PDE3A: variants seen among roughly 807,000 people sequenced by gnomAD.
PDE3A encodes cGMP-inhibited 3',5'-cyclic phosphodiesterase 3A.
PDE3A carries 43 observed loss-of-function variants against 98.3 expected under a neutral mutation model. The observed-to-expected ratio is 0.44, with a 90% CI of 0.34 to 0.56. PDE3A has a LOEUF of 0.56. Among genes scored for constraint, PDE3A ranks in the 20% least tolerant of loss-of-function variants. PDE3A has a pLI of 0.01. For synonymous variants in PDE3A, 663 were observed against 567.9 expected (o/e 1.17, Z -2.38); for missense variants, 1,427 against 1,440.7 (o/e 0.99, Z 0.15).
Position 20,680,150 on chromosome 12 carries a change from A to C in PDE3A, c.3305A>C (p.Gln1102Pro), listed in dbSNP as rs1199718760. 1.2e-6 allele frequency: 2 copies of C among 1,613,850 alleles called. No individual in the cohort carries two copies. The highest frequency in any genetic ancestry group is 2.7e-5 in the African/African-American group (2 of 74,916). Residue 1102 changes from glutamine to proline, a missense_variant, in exon 16 of 16, where the codon CAA (glutamine) becomes CCA (proline). By Grantham distance (76) the Gln-to-Pro change is moderately conservative. This residue lies in a region of PDE3A where 142 missense variants were observed against 133.9 expected (regional missense o/e 1.06). Transcript: ENST00000359062. ...EEQRLAGIEN[Q>P]SLDQTPQSHS... ...CAACGGTTGGCAGGCATAGAAAATCAATCCCTGGACCAGACCCCTCAGTCG... is the reference window on the plus strand; with the variant it reads ...CAACGGTTGGCAGGCATAGAAAATCCATCCCTGGACCAGACCCCTCAGTCG...
intron 12 of PDE3A, among the ~76,000 whole-genome samples, chr12:20,647,524 A>T (rs1324658400): frequency 6.6e-6 from 1 of 152,106 alleles, no homozygotes; most frequent in Non-Finnish European, 1.5e-5. Flanking sequence ...ATCACTAAGT[A>T]TGTAGACATA....
chr12:20,670,638 C>A (rs1426403968), intron 15 of PDE3A, among the ~76,000 whole-genome samples: 1 of 150,446 alleles, frequency 6.6e-6, no homozygotes, highest in African/African-American at 2.5e-5. Context: ...TAAAGATGTT[C>A]TTTGAAACCA....
intron 1 of PDE3A, among the ~76,000 whole-genome samples, chr12:20,417,053 G>A (rs1354345182): frequency 6.6e-6 from 1 of 152,126 alleles, no homozygotes; most frequent in Non-Finnish European, 1.5e-5. Context: ...TGTACATAAT[G>A]TGCATAAATG....
At chr12:20,399,565 T>A (rs1441425970) in intron 1 of PDE3A, among the ~76,000 whole-genome samples, 1 of 152,220 alleles carries the variant, frequency 6.6e-6, no homozygotes, top group Non-Finnish European at 1.5e-5. Context: ...TGTCTTTACA[T>A]ACAGGATTCA....
intron 3 of PDE3A, among the ~76,000 whole-genome samples, 193 bp from the exon 4 acceptor site, chr12:20,616,037 A>G (rs1943996833): frequency 6.6e-6 from 1 of 151,942 alleles, no homozygotes. Flanking sequence ...TATTTTTATA[A>G]TATGCATTCA....
At chr12:20,435,870 A>G (rs1565548373) in intron 1 of PDE3A, among the ~76,000 whole-genome samples, 1 of 152,058 alleles carries the variant, frequency 6.6e-6, no homozygotes, top group Non-Finnish European at 1.5e-5. Flanking sequence ...AAATAAGGGA[A>G]ACTGGACTTT....
intron 1 of PDE3A, among the ~76,000 whole-genome samples, chr12:20,401,425 T>G (rs1377495806): frequency 6.6e-6 from 1 of 151,908 alleles, no homozygotes; most frequent in Non-Finnish European, 1.5e-5. Context: ...CTCTCTAATC[T>G]ACCCTTCTTA....
chr12:20,671,862 G>A (rs1262275174), intron 15 of PDE3A, among the ~76,000 whole-genome samples: 23 of 147,736 alleles, frequency 1.6e-4, no homozygotes, highest in African/African-American at 5.8e-4. Flanking sequence ...CAATTAGGCA[G>A]GAGAAGGAAA....
chr12:20,574,937 G>A (rs555227427), intron 2 of PDE3A, among the ~76,000 whole-genome samples: 4 of 151,860 alleles, frequency 2.6e-5, no homozygotes, highest in Non-Finnish European at 4.4e-5. Flanking sequence ...CAGATTTTTT[G>A]TTCATACTTT....
intron 2 of PDE3A, among the ~76,000 whole-genome samples, chr12:20,603,080 CAG>C (rs1422756229): frequency 6.6e-6 from 1 of 152,124 alleles, no homozygotes; most frequent in Non-Finnish European, 1.5e-5. Context: ...CGTAGTGCTA[CAG>C]AGATGTAGGA....
Position 20,392,026 on chromosome 12 carries a change from G to A in PDE3A, c.960+21782G>A, listed in dbSNP as rs549293995. Reference sequence around the variant, plus strand: ...TCGTATGCCTACTTACGAACCACTAGTCTAGTTAATGAGACCCTTAACACA... The same window carrying A: ...TCGTATGCCTACTTACGAACCACTAATCTAGTTAATGAGACCCTTAACACA... On this transcript the variant is annotated intron_variant, in intron 1 of 15. Transcript: ENST00000359062. Among the ~76,000 whole-genome samples, 13 of 152,036 alleles carry A rather than the reference G, an allele frequency of 8.6e-5. No homozygotes were observed. The East Asian group carries it at 2.5e-3, about 30-fold the overall frequency.
In PDE3A at chr12:20,633,570, A is replaced by C. The variant is rs911878392; in HGVS notation, c.1761-123A>C. On this transcript the variant is annotated intron_variant, in intron 6 of 15. Coordinates refer to ENST00000359062, the MANE Select transcript of PDE3A (RefSeq NM_000921.5). Reference sequence around the variant, plus strand: ...AACAAAATGCATATTTTCACAAAACAAATAAGCAGAAGGTAGAAATATTTG... The same window carrying C: ...AACAAAATGCATATTTTCACAAAACCAATAAGCAGAAGGTAGAAATATTTG... 9.6e-6 allele frequency: 5 copies of C among 519,438 alleles called. No individual in the cohort carries two copies. In the South Asian group the frequency reaches 1.7e-4, roughly 18 times the overall value. 32.2% of individuals were successfully genotyped at this position (519,438 alleles called of 1,614,324 possible). A position where few individuals can be genotyped will look rare whatever the true frequency, so the allele number is the denominator to read the frequency against.
chr12:20,554,732 G>A (rs759264807), intron 1 of PDE3A, among the ~76,000 whole-genome samples: 71 of 151,892 alleles, frequency 4.7e-4, no homozygotes, highest in South Asian at 1.3e-3. Context: ...GATTATAGGC[G>A]TGCCCCACCA....
chr12:20,600,049 C>T (rs1215517966), intron 2 of PDE3A, among the ~76,000 whole-genome samples: 1 of 152,110 alleles, frequency 6.6e-6, no homozygotes, highest in Non-Finnish European at 1.5e-5. Flanking sequence ...CTTACTTGTC[C>T]CTTCTTATTT....
chr12:20,597,277 G>A (rs1943487020), intron 2 of PDE3A, among the ~76,000 whole-genome samples: 1 of 152,144 alleles, frequency 6.6e-6, no homozygotes, highest in Admixed American at 6.5e-5. Context: ...TATTCTGAGA[G>A]GGAAGGGAGT....
chr12:20,559,013 C>T (rs1942443220), intron 2 of PDE3A, among the ~76,000 whole-genome samples: 1 of 152,094 alleles, frequency 6.6e-6, no homozygotes, highest in Non-Finnish European at 1.5e-5. Flanking sequence ...GTTGGAAATA[C>T]AGCAATATTT....
Position 20,635,034 on chromosome 12 carries a change from C to T in PDE3A, c.1979C>T (p.Ala660Val). The T allele has an allele frequency of 6.2e-7, 1 of 1,612,862 alleles. No individual in the cohort carries two copies. The highest frequency in any genetic ancestry group is 8.5e-7 in the Non-Finnish European group (1 of 1,179,550). ...LRKASACSTY[A>V]PETMMFLDKP... is the part of the protein sequence containing the mutation. ...AAAGCATCGGCTTGCAGCACCTATG[C>T]TCCTGAGACCATGATGTTTCTGGTA... The change falls in exon 8 of 16, where the codon GCT (alanine) becomes GTT (valine). Residue 660 changes from alanine to valine, a missense_variant. By Grantham distance (64) the Ala-to-Val change is moderately conservative (BLOSUM62 0). Coordinates refer to ENST00000359062, the MANE Select transcript of PDE3A (RefSeq NM_000921.5).
rs1565569009 is a variant in PDE3A at position 20,499,751 on chromosome 12, T to A, written c.961-56909T>A. 2.6e-5 allele frequency among the ~76,000 whole-genome samples: 4 copies of A among 152,196 alleles called. No homozygotes were observed. In the South Asian group the frequency reaches 8.3e-4, roughly 32 times the overall value. ...AGTCTTAAATGTACGGTTCAATTAG[T>A]TTGGCCAATGTATATAACCTGCATA... On this transcript the variant is annotated intron_variant, in intron 1 of 15. Transcript: ENST00000359062.
intron 2 of PDE3A, among the ~76,000 whole-genome samples, chr12:20,612,457 C>T (rs571112726): frequency 4.0e-5 from 6 of 151,216 alleles, no homozygotes; most frequent in Middle Eastern, 6.9e-3. Flanking sequence ...TAGTCAGATA[C>T]ATTAGGAATA....
Sources: gnomAD v4.1 joint callset for allele counts (sites outside exome capture counted in the v4.1 genomes callset) on GRCh38, gnomAD v4.1.1 for gene constraint, gnomAD v4.1.1 regional missense constraint, MANE v1.5 for transcripts, NCBI Gene and HGNC (gene_info 2026-07-23, HGNC 2026-07-21) for gene names.